DCC: variants seen among roughly 807,000 people sequenced by gnomAD.
DCC encodes the protein DCC netrin 1 receptor.
Under a neutral mutation model 172.5 loss-of-function variants are expected in DCC, and 58 were observed. That is an observed-to-expected ratio of 0.34 (90% CI 0.27 to 0.42). The LOEUF (loss-of-function observed/expected upper bound fraction) is 0.42. Ranked by LOEUF, DCC falls within the 10% of genes least tolerant of loss-of-function variation. DCC has a pLI of 1.00. For missense variants in DCC, 1,740 were observed against 1,791.0 expected, an observed-to-expected ratio of 0.97 and a Z score of 0.51; for synonymous variants, 709 against 644.5, an observed-to-expected ratio of 1.10 and a Z score of -1.52.
At chr18:52,369,555 A>G (rs1985026246) in intron 1 of DCC, among the ~76,000 whole-genome samples, 1 of 151,962 alleles carries the variant, frequency 6.6e-6, no homozygotes, top group African/African-American at 2.4e-5. Context: ...ATGTCACCAA[A>G]CACTTTGCAA....
chr18:53,084,250 GC>G (rs1359845290), intron 7 of DCC, among the ~76,000 whole-genome samples: 3 of 152,160 alleles, frequency 2.0e-5, no homozygotes, highest in Admixed American at 2.0e-4. Context: ...AAAGCCACCA[GC>G]CTTACTCCTA....
intron 1 of DCC, among the ~76,000 whole-genome samples, chr18:52,414,729 G>A (rs1457585157): frequency 6.6e-6 from 1 of 152,196 alleles, no homozygotes; most frequent in African/African-American, 2.4e-5. Context: ...CTTATGAGCA[G>A]TTGGGGAATT....
At chr18:53,256,041 C>T (rs1037310409) in intron 12 of DCC, among the ~76,000 whole-genome samples, 1 of 152,112 alleles carries the variant, frequency 6.6e-6, no homozygotes, top group Non-Finnish European at 1.5e-5. Context: ...ATGTCCTTCA[C>T]CCACTTTTTG....
intron 15 of DCC, among the ~76,000 whole-genome samples, chr18:53,372,305 C>A (rs544491070): frequency 6.6e-6 from 1 of 151,856 alleles, no homozygotes; most frequent in Non-Finnish European, 1.5e-5. Context: ...AATGATATGG[C>A]CTTTGCAGCA....
intron 15 of DCC, among the ~76,000 whole-genome samples, chr18:53,359,605 G>A (rs987240067): frequency 6.6e-6 from 1 of 152,108 alleles, no homozygotes; most frequent in Admixed American, 6.6e-5. Flanking sequence ...CTGAAAAAAT[G>A]TGAATAATTA....
At position 52,827,584 on chromosome 18, in the gene DCC, G is replaced by A. The variant is rs142759647; in HGVS notation, c.412+75210G>A. On this transcript the variant is annotated intron_variant, in intron 2 of 28. Transcript: ENST00000442544. ...TGCATCAAAGAAAACAATATTAAAT[G>A]AAAATGCACCTGCATAAATTCTCTA... Among the ~76,000 whole-genome samples the A allele has an allele frequency of 2.9e-3, 435 of 152,314 alleles. 2 individuals are homozygous for A. Among genetic ancestry groups the A allele is most frequent in the Middle Eastern group, 0.014 (4 of 294 alleles).
At chr18:53,524,544 C>A (rs62098329) in intron 27 of DCC, among the ~76,000 whole-genome samples, 45,355 of 151,836 alleles carry the variant, frequency 0.3, 8,517 homozygotes, top group Non-Finnish European at 0.44. Flanking sequence ...ATGCTTATAG[C>A]AAGTTTTATG....
chr18:53,140,331 G>A (rs908594519), intron 7 of DCC, among the ~76,000 whole-genome samples: 1 of 152,186 alleles, frequency 6.6e-6, no homozygotes, highest in African/African-American at 2.4e-5. Flanking sequence ...TAATTTGGTA[G>A]AGGTGAAAAT....
At chr18:52,410,212 C>T (rs1214220763) in intron 1 of DCC, among the ~76,000 whole-genome samples, 1 of 152,040 alleles carries the variant, frequency 6.6e-6, no homozygotes, top group Non-Finnish European at 1.5e-5. Flanking sequence ...TTGCATGAGC[C>T]TAGAAGTTTG....
At chr18:52,961,811 A>G (rs1221626655) in intron 5 of DCC, among the ~76,000 whole-genome samples, 1 of 152,152 alleles carries the variant, frequency 6.6e-6, no homozygotes, top group African/African-American at 2.4e-5. Flanking sequence ...CCGCATATCT[A>G]CAACCATCTG....
intron 5 of DCC, among the ~76,000 whole-genome samples, chr18:52,967,391 A>G (rs2040952583): frequency 6.6e-6 from 1 of 152,172 alleles, no homozygotes; most frequent in Non-Finnish European, 1.5e-5. Flanking sequence ...ATGACAATGT[A>G]ATTACTCAAA....
chr18:52,610,238 G>C (rs1460849123), intron 1 of DCC, among the ~76,000 whole-genome samples: 1 of 99,744 alleles, frequency 1.0e-5, no homozygotes, highest in Admixed American at 1.2e-4. Flanking sequence ...AAATTAGCCA[G>C]ATGTGGTGGC....
At chr18:52,892,063 C>A (rs756540280) in intron 2 of DCC, among the ~76,000 whole-genome samples, 1 of 152,104 alleles carries the variant, frequency 6.6e-6, no homozygotes, top group Non-Finnish European at 1.5e-5. Flanking sequence ...CTGCTTACAG[C>A]CCCAGGTTAA....
chr18:53,184,369 A>T (rs1568352759), intron 9 of DCC, among the ~76,000 whole-genome samples: 1 of 152,056 alleles, frequency 6.6e-6, no homozygotes, highest in East Asian at 1.9e-4. Context: ...ATACATTCCA[A>T]GAAATGCATC....
At chr18:52,739,714 A>G (rs2036787611) in intron 1 of DCC, among the ~76,000 whole-genome samples, 1 of 152,198 alleles carries the variant, frequency 6.6e-6, no homozygotes, top group Admixed American at 6.5e-5. Context: ...AAATCACACC[A>G]TGTCAGAGGC....
chr18:52,384,364 T>C (rs904145063), intron 1 of DCC, among the ~76,000 whole-genome samples: 1 of 152,168 alleles, frequency 6.6e-6, no homozygotes, highest in African/African-American at 2.4e-5. Flanking sequence ...GTTCCCTTTA[T>C]CCCAGCAATA....
intron 5 of DCC, among the ~76,000 whole-genome samples, chr18:53,013,159 G>A (rs892365832): frequency 1.3e-5 from 2 of 152,080 alleles, no homozygotes; most frequent in Non-Finnish European, 2.9e-5. Flanking sequence ...GGAAGACAGT[G>A]TGGTGATTCC....
At chr18:52,526,119 G>A (rs1330904115) in intron 1 of DCC, among the ~76,000 whole-genome samples, 1 of 152,184 alleles carries the variant, frequency 6.6e-6, no homozygotes, top group Non-Finnish European at 1.5e-5. Context: ...GAAAAGCTAG[G>A]TGTGAGTTGA....
chr18:53,225,811 G>A (rs2056017945), intron 12 of DCC, among the ~76,000 whole-genome samples: 1 of 152,166 alleles, frequency 6.6e-6, no homozygotes, highest in Non-Finnish European at 1.5e-5. Flanking sequence ...CCCCATGGTT[G>A]ATTGCTCAGT....
Sources: gnomAD v4.1 joint callset for allele counts (sites outside exome capture counted in the v4.1 genomes callset) on GRCh38, gnomAD v4.1.1 for gene constraint, MANE v1.5 for transcripts, NCBI Gene and HGNC (gene_info 2026-07-23, HGNC 2026-07-21) for gene names.